LRP1B: variants seen among roughly 807,000 people sequenced by gnomAD.
LRP1B encodes low-density lipoprotein receptor-related protein 1B.
In LRP1B, 217 loss-of-function variants were observed where a neutral mutation model predicts 556.6. That is an observed-to-expected ratio of 0.39 (90% confidence interval 0.35 to 0.44). The LOEUF (loss-of-function observed/expected upper bound fraction) is 0.44. Among genes scored for constraint, LRP1B ranks in the 20% least tolerant of loss-of-function variants. The probability of loss-of-function intolerance (pLI) is 1.00; values close to 1 mark genes in which losing one functional copy is unlikely to be tolerated. For synonymous variants in LRP1B, 2,047 were observed against 1,865.8 expected (o/e 1.10, Z -2.50); for missense variants, 5,053 against 5,620.8 (o/e 0.90, Z 3.23).
In LRP1B at chr2:140,358,849, A is replaced by G; in HGVS notation, c.11229T>C (p.Gly3743=). 6.2e-7 allele frequency: 1 copy of G among 1,608,950 alleles called. No homozygotes were observed. Among genetic ancestry groups the G allele is most frequent in the South Asian group, 1.1e-5 (1 of 90,942 alleles). ...EQMCNGIDEC[G]DNSDEDHCGG... ...CACAGTGATCTTCATCTGAATTGTCACCGCATTCATCAATCCCATTGCACA... is the reference window on the plus strand; with the variant it reads ...CACAGTGATCTTCATCTGAATTGTCGCCGCATTCATCAATCCCATTGCACA... The change falls in exon 73 of 91, where the codon GGT becomes GGC. Residue 3743 remains glycine, a synonymous_variant. Transcript: ENST00000389484.
chr2:141,551,349 T>C (rs1685744286), intron 2 of LRP1B, among the ~76,000 whole-genome samples: 1 of 152,018 alleles, frequency 6.6e-6, no homozygotes, highest in East Asian at 1.9e-4. Context: ...AAAGAGCTTC[T>C]TCAAGCCCTC....
chr2:140,796,051 C>CTG lies in LRP1B; in HGVS notation c.5359+17605_5359+17606insCA. Reference sequence around the variant, plus strand: ...AATATGTAACAATTATGTCCCTGCTCTATATCTATCTATCTATCTATCTAT... The same window carrying CTG: ...AATATGTAACAATTATGTCCCTGCTCTGTATATCTATCTATCTATCTATCTAT... On this transcript the variant is annotated intron_variant, in intron 32 of 90. Transcript: ENST00000389484. Among the ~76,000 whole-genome samples the CTG allele has an allele frequency of 1.7e-5, 2 of 118,170 alleles. 1 individual carries two copies. The highest frequency in any genetic ancestry group is 4.1e-5 in the Non-Finnish European group (2 of 48,956). The allele number at this position is 118,170 out of a possible 152,430, so 77.5% of individuals were successfully genotyped here.
At chr2:141,782,500 C>T (rs1310957328) in intron 2 of LRP1B, among the ~76,000 whole-genome samples, 6 of 133,690 alleles carry the variant, frequency 4.5e-5, no homozygotes, top group Non-Finnish European at 9.4e-5. Context: ...CATTTCTTTG[C>T]ATGTTCTATT....
At chr2:141,044,329 C>G (rs1376834772) in intron 11 of LRP1B, among the ~76,000 whole-genome samples, 5 of 151,658 alleles carry the variant, frequency 3.3e-5, no homozygotes, top group Non-Finnish European at 7.4e-5. Flanking sequence ...AGAAAAAAAC[C>G]TAGGCATTAC....
intron 41 of LRP1B, among the ~76,000 whole-genome samples, chr2:140,665,997 T>TA (rs573342826): frequency 6.6e-6 from 1 of 150,458 alleles, no homozygotes; most frequent in Non-Finnish European, 1.5e-5. Flanking sequence ...AAAAAAAATT[T>TA]TTTTTTTTTT....
rs77398202 is a variant in LRP1B at position 141,098,057 on chromosome 2, A to G, written c.1014-35784T>C. On this transcript the variant is annotated intron_variant, in intron 7 of 90. Coordinates refer to ENST00000389484, the MANE Select transcript of LRP1B (RefSeq NM_018557.3). Reference sequence around the variant, plus strand: ...TTTCTCCAACCTTGAAATGATCATAATAAAAAGTGCTTCACACTTCATATG... The same window carrying G: ...TTTCTCCAACCTTGAAATGATCATAGTAAAAAGTGCTTCACACTTCATATG... Among the ~76,000 whole-genome samples, 1,224 of 152,262 alleles carry G rather than the reference A, an allele frequency of 8.0e-3. 17 individuals carry two copies. The highest frequency in any genetic ancestry group is 0.028 in the African/African-American group (1,176 of 41,554).
chr2:140,946,733 T>G (rs1695559948), intron 20 of LRP1B, among the ~76,000 whole-genome samples: 1 of 152,186 alleles, frequency 6.6e-6, no homozygotes, highest in Admixed American at 6.5e-5. Context: ...ACTTGTATGT[T>G]TATCACTGCA....
At chr2:141,645,124 G>A (rs924135996) in intron 2 of LRP1B, among the ~76,000 whole-genome samples, 1 of 152,120 alleles carries the variant, frequency 6.6e-6, no homozygotes, top group South Asian at 2.1e-4. Context: ...GAGTATTGGG[G>A]GTAAGTTATA....
At chr2:142,122,430 A>G (rs1707489676) in intron 1 of LRP1B, among the ~76,000 whole-genome samples, 1 of 152,150 alleles carries the variant, frequency 6.6e-6, no homozygotes, top group African/African-American at 2.4e-5. Context: ...TCTAAATTCA[A>G]CATTTAGATT....
intron 43 of LRP1B, among the ~76,000 whole-genome samples, chr2:140,554,866 G>GTA (rs1249229565): frequency 2.4e-5 from 3 of 124,372 alleles, no homozygotes; most frequent in Non-Finnish European, 5.5e-5. Flanking sequence ...GTGTGTGTGT[G>GTA]TGTGTGTGTG....
intron 1 of LRP1B, among the ~76,000 whole-genome samples, chr2:141,883,943 T>C (rs541563115): frequency 6.6e-6 from 1 of 152,318 alleles, no homozygotes; most frequent in Non-Finnish European, 1.5e-5. Flanking sequence ...GAACATGTAA[T>C]TGTCATGAAA....
intron 89 of LRP1B, 48 bp downstream of exon 89, chr2:140,238,104 G>T: frequency 1.3e-6 from 2 of 1,491,650 alleles, no homozygotes; most frequent in South Asian, 2.7e-5. Flanking sequence ...ACAGAGATGC[G>T]ACTCAAGAAT....
intron 41 of LRP1B, among the ~76,000 whole-genome samples, chr2:140,647,504 A>G (rs1050487049): frequency 3.3e-5 from 5 of 152,212 alleles, no homozygotes; most frequent in Non-Finnish European, 5.9e-5. Flanking sequence ...AGACGGTGTT[A>G]TTAACAATCA....
chr2:141,001,024 T>C (rs992811896), intron 15 of LRP1B, among the ~76,000 whole-genome samples: 18 of 152,064 alleles, frequency 1.2e-4, no homozygotes, highest in African/African-American at 3.4e-4. Flanking sequence ...CCACTAATTA[T>C]GATCCACATA....
chr2:140,787,319 A>G (rs1160666339), intron 32 of LRP1B, among the ~76,000 whole-genome samples: 1 of 152,046 alleles, frequency 6.6e-6, no homozygotes, highest in African/African-American at 2.4e-5. Flanking sequence ...TCTATCTGGA[A>G]TATTTCCCTC....
chr2:140,655,099 TCTC>T (rs988987444), intron 41 of LRP1B, among the ~76,000 whole-genome samples: 2 of 151,782 alleles, frequency 1.3e-5, no homozygotes, highest in Non-Finnish European at 2.9e-5. Flanking sequence ...TCTAAAAGGA[TCTC>T]CTATTGTACA....
chr2:141,376,718 A>G (rs1232356150), intron 3 of LRP1B, among the ~76,000 whole-genome samples: 1 of 152,236 alleles, frequency 6.6e-6, no homozygotes, highest in African/African-American at 2.4e-5. Context: ...TAAATGTAGA[A>G]AAACCTGCAC....
intron 41 of LRP1B, among the ~76,000 whole-genome samples, chr2:140,643,422 G>C (rs1325800684): frequency 6.6e-6 from 1 of 151,968 alleles, no homozygotes; most frequent in South Asian, 2.1e-4. Context: ...ATCTTGTTTT[G>C]AAAAATAGAA....
intron 7 of LRP1B, among the ~76,000 whole-genome samples, chr2:141,088,964 G>A (rs781575275): frequency 7.2e-5 from 11 of 151,966 alleles, no homozygotes; most frequent in African/African-American, 2.4e-4. Flanking sequence ...CAAACAAAAA[G>A]TCATACATGT....
Sources: allele counts gnomAD v4.1 joint callset (sites outside exome capture counted in the v4.1 genomes callset), GRCh38; gene constraint gnomAD v4.1.1; transcripts MANE v1.5; gene names NCBI Gene and HGNC (gene_info 2026-07-23, HGNC 2026-07-21).